The following SCRG1 variants were observed in gnomAD, a reference collection of about 807,000 sequenced individuals.
SCRG1 encodes the protein scrapie-responsive protein 1.
A neutral mutation model predicts 7.7 loss-of-function variants in SCRG1; 3 were observed. The observed-to-expected ratio is 0.39, with a 90% CI of 0.18 to 1.01. The LOEUF is 1.01. Ranked by LOEUF, SCRG1 falls within the 50% of genes least tolerant of loss-of-function variation. The pLI is 0.36. For missense variants in SCRG1, 110 were observed against 117.2 expected (o/e 0.94, Z 0.28); for synonymous variants, 46 against 41.2 (o/e 1.12, Z -0.44).
chr4:173,486,077 A>G, the SCRG1 span, among the ~76,000 whole-genome samples: 2 of 152,210 alleles, frequency 1.3e-5, no homozygotes, highest in African/African-American at 4.8e-5. Context: ...CTGCATTTTA[A>G]AGTAAATCCT....
the SCRG1 span, among the ~76,000 whole-genome samples, chr4:173,483,977 T>C: frequency 4.8e-5 from 4 of 82,592 alleles, no homozygotes; most frequent in Non-Finnish European, 8.3e-5. Context: ...TTATATAATA[T>C]ATAGTATATT....
chr4:173,483,719 T>TGTGATATATCATATATATGATA, the SCRG1 span, among the ~76,000 whole-genome samples: 7 of 2,990 alleles, frequency 2.3e-3, 3 homozygotes, highest in African/African-American at 5.6e-3. Flanking sequence ...ATATATTATA[T>TGTGATATATCATATATATGATA]TGTGATATAT....
chr4:173,407,254 C>T (rs545858985), upstream of SCRG1, among the ~76,000 whole-genome samples: 18 of 148,966 alleles, frequency 1.2e-4, 1 homozygote, highest in South Asian at 6.4e-4. Context: ...CGGTGGCTCA[C>T]GCTTGTAATC....
chr4:173,486,394 T>A, the SCRG1 span, among the ~76,000 whole-genome samples: 1 of 152,176 alleles, frequency 6.6e-6, no homozygotes. Context: ...CATAATGCCA[T>A]CACAGCTGGC....
chr4:173,423,219 T>C, the SCRG1 span, among the ~76,000 whole-genome samples: 21 of 152,352 alleles, frequency 1.4e-4, 1 homozygote, highest in South Asian at 4.1e-3. Flanking sequence ...GCTTATAGAG[T>C]TGATTTATCA....
chr4:173,438,362 A>T, the SCRG1 span, among the ~76,000 whole-genome samples: 2 of 151,842 alleles, frequency 1.3e-5, no homozygotes, highest in African/African-American at 4.8e-5. Context: ...GGCTCAAGCT[A>T]TCTGCCCACC....
chr4:173,511,633 T>G, the SCRG1 span, among the ~76,000 whole-genome samples: 1 of 152,166 alleles, frequency 6.6e-6, no homozygotes, highest in African/African-American at 2.4e-5. This position sits in a 1 kb window ranked among gnomAD's most constrained non-coding sequence, Gnocchi z 5.2. Flanking sequence ...TCTTTAGACC[T>G]GAGTCTTCTC....
At chr4:173,483,142 A>T in the SCRG1 span, among the ~76,000 whole-genome samples, 1 of 72,550 alleles carries the variant, frequency 1.4e-5, no homozygotes, top group Non-Finnish European at 2.4e-5. Context: ...TTTATATATG[A>T]AATATACATA....
At chr4:173,437,059 G>A in the SCRG1 span, among the ~76,000 whole-genome samples, 32 of 152,102 alleles carry the variant, frequency 2.1e-4, no homozygotes, top group African/African-American at 7.5e-4. Flanking sequence ...TCTTCTCTGC[G>A]GAATCCAGGA....
chr4:173,491,706 T>G, the SCRG1 span, among the ~76,000 whole-genome samples: 3 of 152,290 alleles, frequency 2.0e-5, no homozygotes, highest in East Asian at 3.9e-4. Context: ...AGCTCTCCGC[T>G]TGCACTGAAC....
the SCRG1 span, among the ~76,000 whole-genome samples, chr4:173,451,634 T>TTTATTTTTTTTA: frequency 4.7e-5 from 1 of 21,232 alleles, no homozygotes; most frequent in African/African-American, 7.6e-5. Context: ...TACTTACTTA[T>TTTATTTTTTTTA]TTTATTTATT....
the SCRG1 span, among the ~76,000 whole-genome samples, chr4:173,436,841 A>G: frequency 3.3e-5 from 5 of 152,004 alleles, no homozygotes; most frequent in African/African-American, 1.2e-4. Context: ...ATGTGTTTGG[A>G]TTTTCACTAA....
chr4:173,451,347 T>C, the SCRG1 span, among the ~76,000 whole-genome samples: 1 of 151,668 alleles, frequency 6.6e-6, no homozygotes, highest in Non-Finnish European at 1.5e-5. Context: ...GAAGCAAAGC[T>C]GAAATTGAAA....
chr4:173,517,082 C>T, the SCRG1 span, among the ~76,000 whole-genome samples: 3 of 152,190 alleles, frequency 2.0e-5, no homozygotes, highest in African/African-American at 7.2e-5. Context: ...CACGAGGCTC[C>T]CGGCGCCCAG....
chr4:173,467,063 C>T, the SCRG1 span, among the ~76,000 whole-genome samples: 1 of 152,086 alleles, frequency 6.6e-6, no homozygotes, highest in Non-Finnish European at 1.5e-5. Context: ...TATATCTCTA[C>T]ATAAAAAGCA....
chr4:173,466,731 T>C, the SCRG1 span, among the ~76,000 whole-genome samples: 2 of 152,214 alleles, frequency 1.3e-5, no homozygotes, highest in Non-Finnish European at 2.9e-5. Context: ...AGCCATATAA[T>C]AGTTGACAAA....
At chr4:173,444,944 C>T in the SCRG1 span, among the ~76,000 whole-genome samples, 1 of 151,650 alleles carries the variant, frequency 6.6e-6, no homozygotes, top group Non-Finnish European at 1.5e-5. Flanking sequence ...TTTTTCCTTC[C>T]AAGAAAGCGT....
At chr4:173,485,654 A>G in the SCRG1 span, among the ~76,000 whole-genome samples, 1 of 152,146 alleles carries the variant, frequency 6.6e-6, no homozygotes, top group South Asian at 2.1e-4. Flanking sequence ...ATTATGAACT[A>G]CTACTGAAGT....
At chr4:173,462,543 C>T in the SCRG1 span, among the ~76,000 whole-genome samples, 7 of 152,062 alleles carry the variant, frequency 4.6e-5, no homozygotes, top group Non-Finnish European at 1.0e-4. Flanking sequence ...AGACCCATCC[C>T]ACAAGAAATG....
Sources: allele counts gnomAD v4.1 joint callset (sites outside exome capture counted in the v4.1 genomes callset), GRCh38; gene constraint gnomAD v4.1.1; non-coding constraint Gnocchi (gnomAD v3.1); transcripts MANE v1.5; gene names NCBI Gene and HGNC (gene_info 2026-07-23, HGNC 2026-07-21).